The following PICALM variants were observed in gnomAD, a reference collection of about 807,000 sequenced individuals.
The protein encoded by PICALM is phosphatidylinositol-binding clathrin assembly protein.
PICALM carries 40 observed loss-of-function variants against 80.5 expected under a neutral mutation model. The observed-to-expected ratio is 0.50, with a 90% CI of 0.39 to 0.65. The LOEUF (loss-of-function observed/expected upper bound fraction) is 0.65, where lower values mean the gene tolerates loss of function less well. Among genes scored for constraint, PICALM ranks in the 30% least tolerant of loss-of-function variants. The pLI is 0.00. For missense variants in PICALM, 676 were observed against 778.9 expected, an observed-to-expected ratio of 0.87 and a Z score of 1.57; for synonymous variants, 288 against 260.3, an observed-to-expected ratio of 1.11 and a Z score of -1.02.
intron 1 of PICALM, among the ~76,000 whole-genome samples, chr11:86,046,000 A>G (rs1221334381): frequency 6.6e-6 from 1 of 152,184 alleles, no homozygotes; most frequent in Non-Finnish European, 1.5e-5. Context: ...GCTACATTAG[A>G]TACTCTCCAG....
At chr11:86,008,901 T>C (rs1333201656) in intron 7 of PICALM, among the ~76,000 whole-genome samples, 5 of 121,848 alleles carry the variant, frequency 4.1e-5, no homozygotes, top group Non-Finnish European at 6.3e-5. Flanking sequence ...GAGACCTGCC[T>C]GGGCAATATA....
intron 1 of PICALM, among the ~76,000 whole-genome samples, chr11:86,066,813 T>G (rs1254863706): frequency 6.7e-6 from 1 of 149,264 alleles, no homozygotes; most frequent in East Asian, 2.0e-4. Context: ...CAGGACAAAC[T>G]GTAAGATTTG....
intron 1 of PICALM, among the ~76,000 whole-genome samples, chr11:86,048,701 G>A (rs559619266): frequency 3.3e-5 from 5 of 151,788 alleles, no homozygotes; most frequent in Admixed American, 6.6e-5. Flanking sequence ...GCGTGGTGGC[G>A]CATGCCTGTA....
chr11:86,042,709 A>G (rs2095996424), intron 1 of PICALM, among the ~76,000 whole-genome samples: 1 of 151,498 alleles, frequency 6.6e-6, no homozygotes, highest in Non-Finnish European at 1.5e-5. Context: ...CAGAAACCTC[A>G]TTTCCTAAGC....
chr11:85,990,048 T>C (rs1417637552), intron 13 of PICALM, among the ~76,000 whole-genome samples: 1 of 115,580 alleles, frequency 8.7e-6, no homozygotes, highest in African/African-American at 3.3e-5. Flanking sequence ...TCAAGAGAAA[T>C]TTTCCTAAAA....
intron 1 of PICALM, among the ~76,000 whole-genome samples, chr11:86,033,420 A>C (rs2095793580): frequency 6.6e-6 from 1 of 152,120 alleles, no homozygotes; most frequent in Admixed American, 6.5e-5. Flanking sequence ...CCATATGCCA[A>C]GCACTCTTAT....
chr11:86,023,929 A>G (rs1295868929), intron 3 of PICALM, among the ~76,000 whole-genome samples: 1 of 152,110 alleles, frequency 6.6e-6, no homozygotes, highest in African/African-American at 2.4e-5. Context: ...TTCAAGACCA[A>G]CCTGGTCAAC....
chr11:85,958,964 G>A lies in PICALM; in HGVS notation c.*82C>T, dbSNP rs2093596226. Reference sequence around the variant, plus strand: ...GAGAGTTTAAGAGATTTAAGAGACAGCAGTTTGGATTTTGCTGGAAGTAAG... The same window carrying A: ...GAGAGTTTAAGAGATTTAAGAGACAACAGTTTGGATTTTGCTGGAAGTAAG... On this transcript the variant is annotated 3_prime_UTR_variant, in exon 20 of 20. Transcript: ENST00000393346. The A allele has an allele frequency of 5.2e-6, 5 of 956,502 alleles. No individual in the cohort carries two copies. Among genetic ancestry groups the A allele is most frequent in the Admixed American group, 2.0e-5 (1 of 49,128 alleles). The allele number at this position is 956,502 out of a possible 1,614,324, so 59.3% of individuals were successfully genotyped here.
intron 1 of PICALM, among the ~76,000 whole-genome samples, chr11:86,044,594 C>G (rs938184788): frequency 6.6e-6 from 1 of 152,044 alleles, no homozygotes; most frequent in Admixed American, 6.5e-5. Context: ...GATTAAGTGA[C>G]GTAACTGTAG....
chr11:86,020,812 C>G (rs1274778225), intron 4 of PICALM, among the ~76,000 whole-genome samples: 2 of 151,708 alleles, frequency 1.3e-5, no homozygotes, highest in African/African-American at 4.9e-5. Flanking sequence ...TCTTTGTGAC[C>G]CTGGATTAAA....
rs185131519 is a variant in PICALM at position 86,010,476 on chromosome 11, G to T, written c.765+554C>A. 5.5e-3 allele frequency among the ~76,000 whole-genome samples: 841 copies of T among 152,120 alleles called. 6 individuals carry two copies. The highest frequency in any genetic ancestry group is 0.033 in the South Asian group (158 of 4,806). On this transcript the variant is annotated intron_variant, in intron 7 of 19. Coordinates refer to ENST00000393346, the MANE Select transcript of PICALM (RefSeq NM_007166.4). ...TAAGTAGCTGGGATTACAAGTGCCC[G>T]CCTCCATGACTGGCTAATTTTTGTA...
At chr11:85,976,815 T>C (rs1014022879) in intron 17 of PICALM, 133 bp from the exon 18 acceptor site, 2 of 594,624 alleles carry the variant, frequency 3.4e-6, no homozygotes, top group South Asian at 4.3e-5. Context: ...CTTGTGATCA[T>C]TAAGAACTGT....
chr11:86,069,800 G>A (rs1272035521), upstream of PICALM: 2 of 152,204 alleles, frequency 1.3e-5, no homozygotes, highest in African/African-American at 4.8e-5. Context: ...CCGAAAACCC[G>A]ACACGTTGCT....
intron 10 of PICALM, 27 bp downstream of exon 10, chr11:86,001,008 C>A: frequency 6.2e-7 from 1 of 1,610,926 alleles, no homozygotes; most frequent in South Asian, 1.1e-5. Context: ...ACTCATTTTT[C>A]GAAATAAGGA....
intron 4 of PICALM, among the ~76,000 whole-genome samples, chr11:86,017,101 T>C (rs559601171): frequency 2.0e-5 from 3 of 152,132 alleles, no homozygotes; most frequent in Non-Finnish European, 2.9e-5. Flanking sequence ...CATGCGCCTA[T>C]AGTCCCAGAT....
chr11:86,003,589 C>T (rs762009274), intron 8 of PICALM, 138 bp from the exon 9 acceptor site: 23 of 425,802 alleles, frequency 5.4e-5, no homozygotes, highest in Non-Finnish European at 8.6e-5. Flanking sequence ...GTTTTAGCTA[C>T]TTAATAAGAA....
At chr11:85,992,133 C>G (rs2094800650) in intron 12 of PICALM, among the ~76,000 whole-genome samples, 1 of 152,016 alleles carries the variant, frequency 6.6e-6, no homozygotes, top group African/African-American at 2.4e-5. Flanking sequence ...CAGGCATGAG[C>G]CAACAAGGAC....
intron 13 of PICALM, among the ~76,000 whole-genome samples, chr11:85,986,803 C>G (rs2094587388): frequency 6.6e-6 from 1 of 152,188 alleles, no homozygotes; most frequent in Admixed American, 6.5e-5. Context: ...CGCGTGCGCA[C>G]ATGCTAAAAA....
At chr11:86,004,084 A>G (rs1395912112) in intron 8 of PICALM, among the ~76,000 whole-genome samples, 1 of 152,166 alleles carries the variant, frequency 6.6e-6, no homozygotes, top group Non-Finnish European at 1.5e-5. Context: ...TTCCATTCCT[A>G]TTTACCCCAA....
Sources: gnomAD v4.1 joint callset for allele counts (sites outside exome capture counted in the v4.1 genomes callset) on GRCh38, gnomAD v4.1.1 for gene constraint, MANE v1.5 for transcripts, NCBI Gene and HGNC (gene_info 2026-07-23, HGNC 2026-07-21) for gene names.